Variants in ARFGEF1 observed in about 807,000 individuals in gnomAD.
The protein encoded by ARFGEF1 is brefeldin A-inhibited guanine nucleotide-exchange protein 1.
ARFGEF1 carries 42 observed loss-of-function variants against 231.0 expected under a neutral mutation model. That is an observed-to-expected ratio of 0.18 (90% CI 0.14 to 0.24). The LOEUF is 0.24. ARFGEF1 is among the 10% of genes least tolerant of loss of function. ARFGEF1 has a pLI of 1.00. For missense variants in ARFGEF1, 1,345 were observed against 2,192.0 expected (o/e 0.61, Z 7.72); for synonymous variants, 710 against 732.3 (o/e 0.97, Z 0.49).
rs534073625 is a variant in ARFGEF1 at position 67,306,657 on chromosome 8, A to AT, written c.125-4192dup. 5.3e-5 allele frequency among the ~76,000 whole-genome samples: 8 copies of AT among 152,306 alleles called. No homozygotes were observed. In the East Asian group the frequency reaches 1.5e-3, roughly 29 times the overall value. On this transcript the variant is annotated intron_variant, in intron 1 of 38. Coordinates refer to ENST00000262215, the MANE Select transcript of ARFGEF1 (RefSeq NM_006421.5). ...TATGAATTATTTGTATTTACCTCTC[A>AT]TTACATCAATTTTGTCTTATATATA...
intron 22 of ARFGEF1, among the ~76,000 whole-genome samples, chr8:67,237,267 G>T (rs549474765): frequency 2.0e-5 from 3 of 152,204 alleles, no homozygotes; most frequent in African/African-American, 7.2e-5. Context: ...GATCACCAAG[G>T]TATCAAGTCT....
chr8:67,178,291 A>T (rs1435592970), intron 5 of ARFGEF1, among the ~76,000 whole-genome samples: 1 of 152,136 alleles, frequency 6.6e-6, no homozygotes, highest in African/African-American at 2.4e-5. Flanking sequence ...AAAGGAAGGG[A>T]ACAGAGAATG....
At chr8:67,278,158 G>A (rs1805388122) in intron 7 of ARFGEF1, among the ~76,000 whole-genome samples, 1 of 152,100 alleles carries the variant, frequency 6.6e-6, no homozygotes. Context: ...TAGGTATAAT[G>A]AAACTCTTCC....
At chr8:67,238,636 A>G (rs1336904879) in intron 21 of ARFGEF1, 99 bp downstream of exon 21, 10 of 1,470,588 alleles carry the variant, frequency 6.8e-6, no homozygotes, top group Non-Finnish European at 2.8e-6. Flanking sequence ...GAAATGTACT[A>G]ATTTTCTCCC....
Position 67,236,387 on chromosome 8 carries a change from T to A in ARFGEF1, c.3289+1956A>T, listed in dbSNP as rs867326669. Among the ~76,000 whole-genome samples the A allele has an allele frequency of 8.9e-3, 766 of 85,662 alleles. 36 individuals are homozygous for A. The highest frequency in any genetic ancestry group is 0.022 in the African/African-American group (507 of 22,944). 56.2% of individuals were successfully genotyped at this position (85,662 alleles called of 152,430 possible). A position where few individuals can be genotyped will look rare whatever the true frequency, so the allele number is the denominator to read the frequency against. On this transcript the variant is annotated intron_variant, in intron 22 of 38. Coordinates refer to ENST00000262215, the MANE Select transcript of ARFGEF1 (RefSeq NM_006421.5). ...AAAAATATATATATATATATATATA[T>A]ATATATATATATATATATATATATG...
In ARFGEF1 at chr8:67,228,080, C is replaced by A. The variant is rs766327478; in HGVS notation, c.3474G>T (p.Thr1158=). 6.2e-7 allele frequency: 1 copy of A among 1,609,890 alleles called. No homozygotes were observed. Among genetic ancestry groups the A allele is most frequent in the Admixed American group, 1.7e-5 (1 of 58,902 alleles). ...GTAGACTAAACATTCTTGGGTGTGT[C>A]GTGGAAAGTAATTCATCCATAGACA... ...CAVSMDELLS[T]THPRMFSLQK... is the part of the protein sequence containing the mutation. The change falls in exon 25 of 39, where the codon ACG becomes ACT. Residue 1158 remains threonine, a synonymous_variant. Coordinates refer to ENST00000262215, the MANE Select transcript of ARFGEF1 (RefSeq NM_006421.5).
At chr8:67,327,412 G>A (rs889335472) in intron 1 of ARFGEF1, among the ~76,000 whole-genome samples, 1 of 150,862 alleles carries the variant, frequency 6.6e-6, no homozygotes, top group African/African-American at 2.4e-5. Context: ...TCGCCTCCCA[G>A]GTTCAAGCTA....
At chr8:67,289,309 C>T (rs1805898242) in intron 6 of ARFGEF1, among the ~76,000 whole-genome samples, 1 of 152,020 alleles carries the variant, frequency 6.6e-6, no homozygotes, top group Admixed American at 6.6e-5. Flanking sequence ...AATCCCAGCA[C>T]TTTGGGAAGC....
At chr8:67,261,685 T>G (rs999185718) in intron 14 of ARFGEF1, among the ~76,000 whole-genome samples, 4 of 152,226 alleles carry the variant, frequency 2.6e-5, no homozygotes, top group African/African-American at 7.2e-5. Context: ...GATTTTGTTT[T>G]TGCAGAAATG....
At chr8:67,175,479 G>A, downstream of ARFGEF1, 1 of 1,609,564 alleles carries the variant, frequency 6.2e-7, no homozygotes. Context: ...TCAGCACGCT[G>A]TTTTTCCGTA....
At chr8:67,222,219 A>ATATATG (rs1839209337) in intron 29 of ARFGEF1, among the ~76,000 whole-genome samples, 1 of 115,100 alleles carries the variant, frequency 8.7e-6, no homozygotes, top group South Asian at 3.0e-4. Context: ...ACACATATAT[A>ATATATG]TATATGTATA....
intron 1 of ARFGEF1, among the ~76,000 whole-genome samples, chr8:67,329,916 A>T (rs1322078503): frequency 6.6e-6 from 1 of 152,048 alleles, no homozygotes; most frequent in Non-Finnish European, 1.5e-5. Flanking sequence ...CTTCAATGAG[A>T]CTGAATTGGT....
At chr8:67,310,450 C>T (rs890774639) in intron 1 of ARFGEF1, among the ~76,000 whole-genome samples, 2 of 152,184 alleles carry the variant, frequency 1.3e-5, no homozygotes, top group African/African-American at 4.8e-5. Context: ...CTCGCTACAA[C>T]CTACACCTCC....
chr8:67,267,234 T>G lies in ARFGEF1; in HGVS notation c.1673-4A>C. On this transcript the variant is annotated splice_region_variant and splice_polypyrimidine_tract_variant and intron_variant, in intron 11 of 38. Coordinates refer to ENST00000262215, the MANE Select transcript of ARFGEF1 (RefSeq NM_006421.5). ...ATATCCACTACACTCTGAGCATCTG[T>G]AACAATATAACATTAATTTCAACAA... The G allele has an allele frequency of 6.2e-7, 1 of 1,610,746 alleles. No homozygotes were observed. Among genetic ancestry groups the G allele is most frequent in the South Asian group, 1.1e-5 (1 of 90,086 alleles).
At chr8:67,295,748 C>T (rs767807210) in intron 5 of ARFGEF1, among the ~76,000 whole-genome samples, 15 of 152,064 alleles carry the variant, frequency 9.9e-5, no homozygotes, top group Non-Finnish European at 1.9e-4. Flanking sequence ...GTTTAGTTAA[C>T]AGTATTGTAC....
chr8:67,246,838 T>C (rs747013232), intron 19 of ARFGEF1, among the ~76,000 whole-genome samples: 1 of 149,710 alleles, frequency 6.7e-6, no homozygotes, highest in Non-Finnish European at 1.5e-5. Context: ...TAGATAAACT[T>C]GACAAACCTT....
At chr8:67,313,138 G>A (rs1485632521) in intron 1 of ARFGEF1, among the ~76,000 whole-genome samples, 1 of 152,184 alleles carries the variant, frequency 6.6e-6, no homozygotes, top group East Asian at 1.9e-4. Flanking sequence ...GTGTGCACCT[G>A]GAATCCCAGC....
In ARFGEF1 at chr8:67,198,659, T is replaced by C. The variant is rs1838198920; in HGVS notation, c.*275A>G. 8.8e-7 allele frequency: 1 copy of C among 1,142,234 alleles called. No individual in the cohort carries two copies. The highest frequency in any genetic ancestry group is 1.1e-6 in the Non-Finnish European group (1 of 930,048). 70.8% of individuals were successfully genotyped at this position (1,142,234 alleles called of 1,614,324 possible). A position where few individuals can be genotyped will look rare whatever the true frequency, so the allele number is the denominator to read the frequency against. On this transcript the variant is annotated 3_prime_UTR_variant, in exon 39 of 39. Coordinates refer to ENST00000262215, the MANE Select transcript of ARFGEF1 (RefSeq NM_006421.5). ...CCACACCTGCCAAAAACGTGGGGCT[T>C]TTCCTGCCGTGGAAGACAGGGAAGG... is the stretch of plus-strand genomic sequence containing the variant.
chr8:67,216,538 A>G, intron 33 of ARFGEF1, 52 bp downstream of exon 33: 2 of 1,479,076 alleles, frequency 1.4e-6, no homozygotes, highest in Non-Finnish European at 1.8e-6. Context: ...CCATAATAAA[A>G]TTACTCATCA....
Sources: allele counts gnomAD v4.1 joint callset (sites outside exome capture counted in the v4.1 genomes callset), GRCh38; gene constraint gnomAD v4.1.1; transcripts MANE v1.5; gene names NCBI Gene and HGNC (gene_info 2026-07-23, HGNC 2026-07-21).